Variants in PDXDC1 observed in about 807,000 individuals in gnomAD.
The protein encoded by PDXDC1 is pyridoxal dependent decarboxylase domain containing 1.
Under a neutral mutation model 100.1 loss-of-function variants are expected in PDXDC1, and 42 were observed. The ratio of observed to expected loss-of-function variants is 0.42; its 90% confidence interval spans 0.33 to 0.54. The LOEUF is 0.54. PDXDC1 is among the 20% of genes least tolerant of loss of function. The probability of loss-of-function intolerance (pLI) is 0.10; values close to 1 mark genes in which losing one functional copy is unlikely to be tolerated. For missense variants in PDXDC1, 636 were observed against 979.2 expected (o/e 0.65, Z 4.68); for synonymous variants, 260 against 371.7 (o/e 0.70, Z 3.46).
chr16:15,131,545 G>A (rs2048060134), intron 16 of PDXDC1: 2 of 1,609,654 alleles, frequency 1.2e-6, no homozygotes, highest in Non-Finnish European at 1.7e-6. Context: ...GCCCGCCAGT[G>A]TCAGGGGCTC....
intron 16 of PDXDC1, among the ~76,000 whole-genome samples, chr16:15,043,352 T>A (rs956684942): frequency 2.6e-5 from 4 of 152,196 alleles, no homozygotes; most frequent in Admixed American, 2.6e-4. Context: ...GAACCTTTTT[T>A]AAGAGTTATG....
downstream of PDXDC1, among the ~76,000 whole-genome samples, chr16:15,042,334 C>T (rs185906651): frequency 2.6e-4 from 39 of 151,932 alleles, no homozygotes; most frequent in African/African-American, 8.9e-4. Context: ...TACAGACTTG[C>T]GCCACCATGC....
At chr16:15,074,014 C>T (rs1165037131) in intron 16 of PDXDC1, among the ~76,000 whole-genome samples, 1 of 152,182 alleles carries the variant, frequency 6.6e-6, no homozygotes, top group Non-Finnish European at 1.5e-5. Context: ...AAAAAATACT[C>T]TCCTACATAT....
chr16:15,036,284 GT>G lies in PDXDC1; in HGVS notation c.*10del. On this transcript the variant is annotated 3_prime_UTR_variant, in exon 23 of 23. Transcript: ENST00000396410. ...CGGAGAGCTTAAGATGAGACTCATT[GT>G]GTGGTTTGAGACTGTACTGAGTATT... The G allele has an allele frequency of 6.2e-7, 1 of 1,611,880 alleles. No individual in the cohort carries two copies. The highest frequency in any genetic ancestry group is 8.5e-7 in the Non-Finnish European group (1 of 1,178,412).
chr16:15,056,007 G>C (rs1258751180), intron 16 of PDXDC1: 16 of 1,138,946 alleles, frequency 1.4e-5, no homozygotes, highest in Non-Finnish European at 1.6e-5. Flanking sequence ...CCAGGGAGGC[G>C]GCGGCCCCCC....
chr16:14,996,579 A>C (rs1350551462), intron 1 of PDXDC1, among the ~76,000 whole-genome samples: 1 of 152,288 alleles, frequency 6.6e-6, no homozygotes, highest in Non-Finnish European at 1.5e-5. Context: ...CGTATGTTTT[A>C]ATTCTGCAAA....
At chr16:15,038,334 G>C, downstream of PDXDC1, 150 of 716,702 alleles carry the variant, frequency 2.1e-4, no homozygotes, top group Non-Finnish European at 2.9e-4. Flanking sequence ...AAGAAATGAG[G>C]TGGCCTGAAT....
chr16:15,147,001 C>T, the PDXDC1 span, among the ~76,000 whole-genome samples: 2 of 152,102 alleles, frequency 1.3e-5, no homozygotes, highest in Non-Finnish European at 2.9e-5. Flanking sequence ...GCGCAAATTC[C>T]CTACATCTGG....
At chr16:15,049,229 A>G (rs1465142294) in intron 16 of PDXDC1, among the ~76,000 whole-genome samples, 2 of 152,028 alleles carry the variant, frequency 1.3e-5, no homozygotes, top group Non-Finnish European at 2.9e-5. Flanking sequence ...GGGCCTCCCT[A>G]TGCTGCCCAG....
At chr16:15,046,314 A>G (rs556241263) in intron 16 of PDXDC1, among the ~76,000 whole-genome samples, 1 of 152,320 alleles carries the variant, frequency 6.6e-6, no homozygotes, top group South Asian at 2.1e-4. Context: ...GGAGTAGTTC[A>G]CTCAATGGCT....
intron 16 of PDXDC1, chr16:15,130,704 C>A: frequency 6.7e-7 from 1 of 1,497,704 alleles, no homozygotes; most frequent in Non-Finnish European, 9.3e-7. Context: ...GATCCTCCTG[C>A]TAGCCGAGCA....
In PDXDC1 at chr16:15,036,191, C is replaced by G. The variant is rs145306597; in HGVS notation, c.2283C>G (p.Thr761=). 1 of 1,613,946 alleles carries G rather than the reference C, an allele frequency of 6.2e-7. No homozygotes were observed. Among genetic ancestry groups the G allele is most frequent in the East Asian group, 2.2e-5 (1 of 44,880 alleles). ...GHPGAPSPQH[T]DQTEAFQKGV... is the part of the protein sequence containing the mutation. ...CAGGGGCTCCCAGCCCTCAGCACAC[C>G]GACCAGACCGAGGCCTTCCAGAAAG... Residue 761 remains threonine, a synonymous_variant, in exon 23 of 23, where the codon ACC becomes ACG. Transcript: ENST00000396410.
At chr16:15,095,239 G>A (rs1042769331) in intron 16 of PDXDC1, among the ~76,000 whole-genome samples, 3 of 152,088 alleles carry the variant, frequency 2.0e-5, no homozygotes, top group African/African-American at 4.8e-5. Context: ...CCAAAACCTC[G>A]GGACTGTGGA....
At chr16:15,061,785 C>G in intron 16 of PDXDC1, 4 of 1,614,000 alleles carry the variant, frequency 2.5e-6, no homozygotes, top group Non-Finnish European at 3.4e-6. Flanking sequence ...GGTGGGGAGC[C>G]CACACTACTT....
intron 16 of PDXDC1, among the ~76,000 whole-genome samples, chr16:15,046,891 C>T (rs751762911): frequency 2.8e-4 from 43 of 152,032 alleles, no homozygotes; most frequent in Non-Finnish European, 5.4e-4. Context: ...AAAAAGAGAA[C>T]AAGAAAAAAA....
chr16:15,098,328 G>A (rs1225783637), intron 16 of PDXDC1, among the ~76,000 whole-genome samples: 3 of 151,086 alleles, frequency 2.0e-5, no homozygotes, highest in Non-Finnish European at 4.4e-5. Context: ...AGCCTCCTGA[G>A]TAGCTGGGAC....
At chr16:15,023,930 T>G (rs2042391678) in intron 13 of PDXDC1, among the ~76,000 whole-genome samples, 1 of 152,292 alleles carries the variant, frequency 6.6e-6, no homozygotes, top group Admixed American at 6.5e-5. Context: ...CTCCTCTGAT[T>G]GCAAACAGAG....
At chr16:15,082,390 C>T (rs930307711) in intron 16 of PDXDC1, among the ~76,000 whole-genome samples, 1 of 151,940 alleles carries the variant, frequency 6.6e-6, no homozygotes, top group African/African-American at 2.4e-5. Flanking sequence ...AACTCAATCT[C>T]GGCCGGTCAC....
chr16:15,127,515 G>C (rs772067260), intron 16 of PDXDC1: 8 of 1,541,852 alleles, frequency 5.2e-6, no homozygotes, highest in Non-Finnish European at 6.1e-6. Flanking sequence ...CCAGGTAGAC[G>C]GGATAGACAA....
Sources: allele counts gnomAD v4.1 joint callset (sites outside exome capture counted in the v4.1 genomes callset), GRCh38; gene constraint gnomAD v4.1.1; transcripts MANE v1.5; gene names NCBI Gene and HGNC (gene_info 2026-07-23, HGNC 2026-07-21).